The following HAPLN1 variants were observed in gnomAD, a reference collection of about 807,000 sequenced individuals.
HAPLN1 encodes the protein hyaluronan and proteoglycan link protein 1.
A neutral mutation model predicts 36.5 loss-of-function variants in HAPLN1; 13 were observed. That is an observed-to-expected ratio of 0.36 (90% CI 0.23 to 0.57). HAPLN1 has a LOEUF of 0.57. Among genes scored for constraint, HAPLN1 ranks in the 20% least tolerant of loss-of-function variants. HAPLN1 has a pLI of 0.83. For synonymous variants in HAPLN1, 202 were observed against 169.8 expected, an observed-to-expected ratio of 1.19 and a Z score of -1.48; for missense variants, 407 against 439.7, an observed-to-expected ratio of 0.93 and a Z score of 0.66.
chr5:83,661,420 C>CTGTGAGAAAA (rs1750383268), intron 2 of HAPLN1, among the ~76,000 whole-genome samples: 1 of 134,244 alleles, frequency 7.4e-6, no homozygotes, highest in African/African-American at 2.9e-5. Context: ...CAATGGTGGT[C>CTGTGAGAAAA]TGTGAGAAAA....
At chr5:83,712,139 A>G (rs1056522656) in intron 1 of HAPLN1, among the ~76,000 whole-genome samples, 1 of 152,212 alleles carries the variant, frequency 6.6e-6, no homozygotes, top group African/African-American at 2.4e-5. Flanking sequence ...ACATTGACCA[A>G]ATGGTCAAGC....
chr5:83,667,480 A>T (rs1750585840), intron 2 of HAPLN1, among the ~76,000 whole-genome samples: 1 of 152,144 alleles, frequency 6.6e-6, no homozygotes, highest in African/African-American at 2.4e-5. Context: ...ATATAAGTAT[A>T]TTTCCACCTG....
At chr5:83,655,188 T>C (rs1750178178) in intron 2 of HAPLN1, among the ~76,000 whole-genome samples, 1 of 152,224 alleles carries the variant, frequency 6.6e-6, no homozygotes, top group Non-Finnish European at 1.5e-5. Flanking sequence ...AGGTTTAGTT[T>C]AATCATAAAC....
At chr5:83,643,286 G>T (rs1470245008) in intron 4 of HAPLN1, among the ~76,000 whole-genome samples, 2 of 151,156 alleles carry the variant, frequency 1.3e-5, no homozygotes, top group Admixed American at 1.3e-4. Flanking sequence ...GGAGGTGGAG[G>T]TTGCAGTGAG....
chr5:83,666,056 G>C (rs1447658869), intron 2 of HAPLN1, among the ~76,000 whole-genome samples: 2 of 152,062 alleles, frequency 1.3e-5, no homozygotes, highest in African/African-American at 4.8e-5. Flanking sequence ...TTTGAAATAA[G>C]AATATTGCTT....
In HAPLN1 at chr5:83,697,904, A is replaced by T. The variant is rs113924513; in HGVS notation, c.-27+22885T>A. On this transcript the variant is annotated intron_variant, in intron 1 of 4. Transcript: ENST00000274341. ...TGGGCTGTTTATTTTTTAATTGTTG[A>T]ATTAGAATTTTTTATATATTCTGGA... is the stretch of plus-strand genomic sequence containing the variant. Among the ~76,000 whole-genome samples, 57 of 152,004 alleles carry T rather than the reference A, an allele frequency of 3.7e-4. 1 individual carries two copies. The South Asian group carries it at 0.012, about 31-fold the overall frequency.
chr5:83,705,820 A>C (rs923783465), intron 1 of HAPLN1, among the ~76,000 whole-genome samples: 1 of 152,134 alleles, frequency 6.6e-6, no homozygotes, highest in African/African-American at 2.4e-5. Flanking sequence ...AGATCGAAAG[A>C]CTGCTAACTA....
chr5:83,648,031 A>G (rs147800382), intron 3 of HAPLN1, among the ~76,000 whole-genome samples: 1 of 152,202 alleles, frequency 6.6e-6, no homozygotes, highest in African/African-American at 2.4e-5. Flanking sequence ...TTTTCATATC[A>G]TTATTTGTGT....
At chr5:83,720,302 T>C (rs1751992443) in intron 1 of HAPLN1, among the ~76,000 whole-genome samples, 2 of 152,250 alleles carry the variant, frequency 1.3e-5, no homozygotes, top group Admixed American at 1.3e-4. Flanking sequence ...TCTAAGATTA[T>C]TAATCTAACA....
intron 2 of HAPLN1, among the ~76,000 whole-genome samples, chr5:83,660,619 C>T (rs916545200): frequency 5.9e-5 from 9 of 151,944 alleles, no homozygotes; most frequent in Admixed American, 6.6e-5. Context: ...TTTTCTTAAT[C>T]TTTTTTTTCT....
chr5:83,663,781 C>T (rs958010635), intron 2 of HAPLN1, among the ~76,000 whole-genome samples: 1 of 149,992 alleles, frequency 6.7e-6, no homozygotes. Flanking sequence ...TCAGTAATTG[C>T]TGCCATTTCT....
At chr5:83,644,955 A>C (rs988355541) in intron 3 of HAPLN1, among the ~76,000 whole-genome samples, 1 of 152,190 alleles carries the variant, frequency 6.6e-6, no homozygotes, top group African/African-American at 2.4e-5. Flanking sequence ...TCTACAGTTT[A>C]CAGTTTCCAA....
chr5:83,696,549 G>A (rs958969312), intron 1 of HAPLN1, among the ~76,000 whole-genome samples: 23 of 152,072 alleles, frequency 1.5e-4, no homozygotes, highest in African/African-American at 5.6e-4. Flanking sequence ...AATTAAGAGA[G>A]TATGGTATTT....
chr5:83,714,709 C>T (rs1751879177), intron 1 of HAPLN1, among the ~76,000 whole-genome samples: 1 of 152,138 alleles, frequency 6.6e-6, no homozygotes, highest in Admixed American at 6.5e-5. Flanking sequence ...AATTCTTGGA[C>T]CAAGTATGTG....
At chr5:83,680,329 A>G (rs1285200083) in intron 1 of HAPLN1, among the ~76,000 whole-genome samples, 1 of 152,208 alleles carries the variant, frequency 6.6e-6, no homozygotes, top group East Asian at 1.9e-4. Flanking sequence ...TATAATGTTC[A>G]TGTCCACAGC....
chr5:83,673,308 A>C, intron 2 of HAPLN1, 116 bp downstream of exon 2: 1 of 675,504 alleles, frequency 1.5e-6, no homozygotes. Flanking sequence ...ATTAGCAGAA[A>C]GGGAAAGAAA....
At chr5:83,662,349 C>T (rs931853446) in intron 2 of HAPLN1, among the ~76,000 whole-genome samples, 1 of 152,084 alleles carries the variant, frequency 6.6e-6, no homozygotes, top group Non-Finnish European at 1.5e-5. Flanking sequence ...TCTGATGTAA[C>T]TTGTTATAGA....
intron 1 of HAPLN1, chr5:83,673,861 A>G (rs1750792509): frequency 8.0e-6 from 2 of 249,180 alleles, no homozygotes; most frequent in Non-Finnish European, 7.6e-6. Context: ...TGGCAAAAAC[A>G]TACACACTCT....
chr5:83,684,106 T>C (rs1044389037), intron 1 of HAPLN1, among the ~76,000 whole-genome samples: 4 of 151,884 alleles, frequency 2.6e-5, no homozygotes, highest in Non-Finnish European at 5.9e-5. Context: ...CCCCTGAGAA[T>C]GGGAGCAATG....
Sources: allele counts gnomAD v4.1 joint callset (sites outside exome capture counted in the v4.1 genomes callset), GRCh38; gene constraint gnomAD v4.1.1; transcripts MANE v1.5; gene names NCBI Gene and HGNC (gene_info 2026-07-23, HGNC 2026-07-21).